Variants in PTPRN2 observed in about 807,000 individuals in gnomAD.
PTPRN2 encodes the protein protein tyrosine phosphatase receptor type N2, also known as receptor-type tyrosine-protein phosphatase N2.
A neutral mutation model predicts 118.8 loss-of-function variants in PTPRN2; 74 were observed. The ratio of observed to expected loss-of-function variants is 0.62; its 90% CI spans 0.52 to 0.76. The LOEUF is 0.76. Among genes scored for constraint, PTPRN2 ranks in the 30% least tolerant of loss-of-function variants. The probability of loss-of-function intolerance (pLI) is 0.00; values close to 1 mark genes in which losing one functional copy is unlikely to be tolerated. For missense variants in PTPRN2, 1,481 were observed against 1,394.4 expected (o/e 1.06, Z -0.99); for synonymous variants, 641 against 608.0 (o/e 1.05, Z -0.80).
intron 3 of PTPRN2, among the ~76,000 whole-genome samples, chr7:158,263,473 C>T (rs912596755): frequency 2.0e-5 from 3 of 152,368 alleles, no homozygotes; most frequent in Middle Eastern, 3.4e-3. Flanking sequence ...CGACCGCATC[C>T]CACAGGAGGG....
At chr7:157,909,663 A>C (rs539652682) in intron 11 of PTPRN2, among the ~76,000 whole-genome samples, 2 of 152,356 alleles carry the variant, frequency 1.3e-5, no homozygotes, top group East Asian at 1.9e-4. Context: ...AGCCATCTGC[A>C]TGGTCCTCCT....
chr7:158,076,036 C>T (rs558397296), intron 11 of PTPRN2, among the ~76,000 whole-genome samples: 6 of 152,342 alleles, frequency 3.9e-5, no homozygotes, highest in African/African-American at 1.2e-4. Flanking sequence ...CTGGAAGACC[C>T]TTGAGGAGAG....
intron 19 of PTPRN2, among the ~76,000 whole-genome samples, chr7:157,574,644 C>T (rs751619927): frequency 1.3e-5 from 2 of 152,196 alleles, no homozygotes; most frequent in South Asian, 4.1e-4. Context: ...TCACACATCT[C>T]GGTGCCTGGC....
At chr7:158,249,076 C>A (rs1358521900) in intron 3 of PTPRN2, among the ~76,000 whole-genome samples, 1 of 149,972 alleles carries the variant, frequency 6.7e-6, no homozygotes, top group African/African-American at 2.4e-5. Flanking sequence ...ACACATACAC[C>A]ACACACACCA....
At chr7:157,851,702 C>T (rs1560954) in intron 12 of PTPRN2, among the ~76,000 whole-genome samples, 68,388 of 152,096 alleles carry the variant, frequency 0.45, 15,742 homozygotes, top group East Asian at 0.54. Context: ...CCTAACAAAA[C>T]CCCTGAGCAA....
At chr7:158,567,661 G>A (rs931451992) in intron 1 of PTPRN2, among the ~76,000 whole-genome samples, 6 of 152,304 alleles carry the variant, frequency 3.9e-5, no homozygotes, top group East Asian at 1.9e-4. Flanking sequence ...AGGAGCAAGC[G>A]GACTGAAGGG....
At chr7:157,694,810 T>A (rs1336544135) in intron 12 of PTPRN2, among the ~76,000 whole-genome samples, 2 of 152,046 alleles carry the variant, frequency 1.3e-5, no homozygotes, top group Non-Finnish European at 2.9e-5. Flanking sequence ...CATTTAATAA[T>A]AAATTTCAAT....
chr7:158,400,889 G>A (rs1038426733), intron 2 of PTPRN2, among the ~76,000 whole-genome samples: 1 of 151,378 alleles, frequency 6.6e-6, no homozygotes, highest in Admixed American at 6.6e-5. Context: ...AGCAGCCCCC[G>A]TCCCACCCCC....
chr7:158,318,126 G>A (rs1011916412), intron 2 of PTPRN2, among the ~76,000 whole-genome samples: 8 of 152,202 alleles, frequency 5.3e-5, no homozygotes, highest in East Asian at 1.9e-4. Context: ...GAGGGCTCTC[G>A]GGGACGCGTC....
intron 1 of PTPRN2, among the ~76,000 whole-genome samples, chr7:158,578,080 A>T (rs182939125): frequency 6.6e-6 from 1 of 152,364 alleles, no homozygotes; most frequent in African/African-American, 2.4e-5. Context: ...ACCAAAATTC[A>T]GGCACTTAAA....
chr7:157,844,466 C>G (rs941964337), intron 12 of PTPRN2, among the ~76,000 whole-genome samples: 1 of 152,182 alleles, frequency 6.6e-6, no homozygotes, highest in Non-Finnish European at 1.5e-5. Flanking sequence ...AACCGGACAT[C>G]TGGGGCAGAG....
intron 12 of PTPRN2, among the ~76,000 whole-genome samples, chr7:157,731,659 G>A (rs1799929640): frequency 3.1e-5 from 1 of 32,764 alleles, no homozygotes; most frequent in Non-Finnish European, 5.8e-5. Flanking sequence ...CCCGTCCCAC[G>A]CGCCCAGCAC....
intron 11 of PTPRN2, among the ~76,000 whole-genome samples, chr7:157,910,189 G>A (rs1381971068): frequency 1.3e-5 from 2 of 152,192 alleles, no homozygotes; most frequent in Non-Finnish European, 2.9e-5. Context: ...CATGTACGCC[G>A]TGGGAATGCG....
intron 11 of PTPRN2, among the ~76,000 whole-genome samples, chr7:158,012,283 G>A (rs1337906651): frequency 6.6e-6 from 1 of 151,472 alleles, no homozygotes; most frequent in East Asian, 1.9e-4. Context: ...GAACTGCCGG[G>A]GGCTGATACA....
chr7:157,725,726 C>G (rs1463551357), intron 12 of PTPRN2, among the ~76,000 whole-genome samples: 2 of 51,796 alleles, frequency 3.9e-5, no homozygotes, highest in Non-Finnish European at 3.9e-5. Flanking sequence ...GAGGAGTGAG[C>G]CAGACCCTCA....
At chr7:158,237,061 A>G (rs1330148191) in intron 3 of PTPRN2, among the ~76,000 whole-genome samples, 4 of 25,706 alleles carry the variant, frequency 1.6e-4, no homozygotes, top group Non-Finnish European at 2.5e-4. Flanking sequence ...CCTAATCTCA[A>G]GTACCCAGGG....
rs1310943143 is a variant in PTPRN2, at chr7:157,540,740, C to T, written c.3022G>A (p.Ala1008Thr). The change falls in exon 23 of 23, where the codon GCC (alanine) becomes ACC (threonine). Residue 1008 changes from alanine to threonine, a missense_variant. Physicochemically the swap from Ala to Thr is moderately conservative, Grantham distance 58 (BLOSUM62 0). Transcript: ENST00000389418. The stretch of plus-strand genomic sequence containing the variant: ...CACTGGGGAAGGGCCTTGAGGATGG[C>T]GTTCACCTCCTCAGCCACGGCTGTC... ...ALTAVAEEVN[A>T]ILKALPQ is the part of the protein sequence containing the mutation. 6 of 1,567,478 alleles carry T rather than the reference C, an allele frequency of 3.8e-6. No individual in the cohort carries two copies. Among genetic ancestry groups the T allele is most frequent in the South Asian group, 1.2e-5 (1 of 84,946 alleles).
Position 157,840,200 on chromosome 7 carries a change from C to T in PTPRN2, c.1788+58473G>A, listed in dbSNP as rs574252758. ...GTGTGACCGTGTGTGACTGTGACCGCGTGTGACTGTGTGGCCACGTGTGAC... is the reference window on the plus strand; with the variant it reads ...GTGTGACCGTGTGTGACTGTGACCGTGTGTGACTGTGTGGCCACGTGTGAC... On this transcript the variant is annotated intron_variant, in intron 12 of 22. Coordinates refer to ENST00000389418, the MANE Select transcript of PTPRN2 (RefSeq NM_002847.5). Among the ~76,000 whole-genome samples the T allele has an allele frequency of 8.7e-3, 1,053 of 121,326 alleles. 8 individuals carry two copies. The highest frequency in any genetic ancestry group is 0.032 in the African/African-American group (992 of 30,596). 79.6% of individuals were successfully genotyped at this position (121,326 alleles called of 152,430 possible).
At chr7:158,244,988 C>A (rs1461217017) in intron 3 of PTPRN2, among the ~76,000 whole-genome samples, 1 of 152,238 alleles carries the variant, frequency 6.6e-6, no homozygotes. Context: ...GAAGCCCCTG[C>A]TCCCTGGCTG....
Sources: allele counts gnomAD v4.1 joint callset (sites outside exome capture counted in the v4.1 genomes callset), GRCh38; gene constraint gnomAD v4.1.1; transcripts MANE v1.5; gene names NCBI Gene and HGNC (gene_info 2026-07-23, HGNC 2026-07-21).